NPY2R: variants seen among roughly 807,000 people sequenced by gnomAD.
The protein encoded by NPY2R is neuropeptide Y receptor Y2.
In NPY2R, 17 loss-of-function variants were observed where a neutral mutation model predicts 22.3. The ratio of observed to expected loss-of-function variants is 0.76; its 90% CI spans 0.52 to 1.14. The LOEUF (loss-of-function observed/expected upper bound fraction) is 1.14. Ranked by LOEUF, NPY2R falls within the 50% of genes most tolerant of loss-of-function variation. The pLI, the probability that NPY2R is intolerant of heterozygous loss-of-function variation, is 0.00. For missense variants in NPY2R, 424 were observed against 467.9 expected (o/e 0.91, Z 0.87); for synonymous variants, 209 against 183.4 (o/e 1.14, Z -1.13).
the NPY2R span, among the ~76,000 whole-genome samples, chr4:155,174,484 A>ATATATATATATATT: frequency 1.4e-3 from 151 of 106,032 alleles, 2 homozygotes; most frequent in African/African-American, 6.4e-3. Flanking sequence ...ATATATATAT[A>ATATATATATATATT]TTTTTTTTTT....
rs1274606839 is a variant in NPY2R, at chr4:155,214,078, A to G, written c.139A>G (p.Ile47Val). 2 of 1,614,100 alleles carry G rather than the reference A, an allele frequency of 1.2e-6. No individual in the cohort carries two copies. The highest frequency in any genetic ancestry group is 1.7e-6 in the Non-Finnish European group (2 of 1,179,936). Residue 47 changes from isoleucine (I) to valine (V), a missense_variant, in exon 2 of 2, where the codon ATT becomes GTT. Ile to Val is a conservative substitution (Grantham distance 29). Transcript: ENST00000329476. ...EPELIDSTKLIEVQVVLILAY... is the reference protein window; with the variant it reads ...EPELIDSTKLVEVQVVLILAY... ...AGAGCTTATAGATAGTACCAAGCTG[A>G]TTGAGGTACAAGTTGTTCTCATATT...
rs1729499400 is a variant in NPY2R at position 155,215,586 on chromosome 4, A to G, written c.*501A>G. ...TGATTTTTTTGTTCATTCTCTAGACAAAATCCATCAGGGAATGCTGCAGGA... is the reference window on the plus strand; with the variant it reads ...TGATTTTTTTGTTCATTCTCTAGACGAAATCCATCAGGGAATGCTGCAGGA... On this transcript the variant is annotated 3_prime_UTR_variant, in exon 2 of 2. Transcript: ENST00000329476. 1 of 198,010 alleles carries G rather than the reference A, an allele frequency of 5.1e-6. No homozygotes were observed. The highest frequency in any genetic ancestry group is 1.2e-4 in the South Asian group (1 of 8,554). The allele number at this position is 198,010 out of a possible 1,614,324, so 12.3% of individuals were successfully genotyped here.
rs578259597 is a variant in NPY2R at position 155,209,880 on chromosome 4, T to A, written c.-49+811T>A. Among the ~76,000 whole-genome samples, 5 of 152,190 alleles carry A rather than the reference T, an allele frequency of 3.3e-5. No homozygotes were observed. In the East Asian group the frequency reaches 9.7e-4, roughly 29 times the overall value. ...AAAAGCCCCCACAGATTTAAACATC[T>A]CTCCTCAAAGCATGAACTGGTCTCT... On this transcript the variant is annotated intron_variant, in intron 1 of 1. Transcript: ENST00000329476.
At chr4:155,196,460 C>T in the NPY2R span, among the ~76,000 whole-genome samples, 1 of 151,758 alleles carries the variant, frequency 6.6e-6, no homozygotes, top group Non-Finnish European at 1.5e-5. Flanking sequence ...ATGGGCTCAA[C>T]GGGACTGAAA....
the NPY2R span, among the ~76,000 whole-genome samples, chr4:155,191,896 A>G: frequency 1.3e-5 from 2 of 151,880 alleles, no homozygotes; most frequent in East Asian, 3.9e-4. Context: ...CTCCATAAAT[A>G]TTTTATTTTA....
the NPY2R span, among the ~76,000 whole-genome samples, chr4:155,191,517 A>C: frequency 1.6e-4 from 24 of 152,038 alleles, no homozygotes; most frequent in African/African-American, 5.1e-4. Flanking sequence ...AGTGAGGTAC[A>C]CTGAAGTACC....
the NPY2R span, among the ~76,000 whole-genome samples, chr4:155,202,014 A>G: frequency 6.6e-6 from 1 of 152,026 alleles, no homozygotes; most frequent in East Asian, 1.9e-4. Context: ...TTTGACATAT[A>G]CTCACTATAT....
intron 1 of NPY2R, among the ~76,000 whole-genome samples, chr4:155,209,834 A>G (rs1256198275): frequency 6.6e-6 from 1 of 151,942 alleles, no homozygotes; most frequent in Non-Finnish European, 1.5e-5. Context: ...ACTAAGGCCA[A>G]CCTGTGACAA....
the NPY2R span, among the ~76,000 whole-genome samples, chr4:155,183,401 C>A: frequency 6.6e-6 from 1 of 152,024 alleles, no homozygotes; most frequent in Admixed American, 6.6e-5. Flanking sequence ...TGGTTCCAAC[C>A]AGAAATGAAA....
chr4:155,213,929 C>G lies in NPY2R; in HGVS notation c.-11C>G. On this transcript the variant is annotated 5_prime_UTR_variant, in exon 2 of 2. Coordinates refer to ENST00000329476, the MANE Select transcript of NPY2R (RefSeq NM_000910.4). ...TGTGCTGGTTGCAGGCCAAGTGGACCTGTACTGAAAATGGGTCCAATAGGT... is the reference window on the plus strand; with the variant it reads ...TGTGCTGGTTGCAGGCCAAGTGGACGTGTACTGAAAATGGGTCCAATAGGT... 1 of 1,612,434 alleles carries G rather than the reference C, an allele frequency of 6.2e-7. No homozygotes were observed. The highest frequency in any genetic ancestry group is 8.5e-7 in the Non-Finnish European group (1 of 1,178,870).
rs1319474990 is a variant in NPY2R, at chr4:155,214,082, A to C, written c.143A>C (p.Glu48Ala). Residue 48 changes from glutamate (E) to alanine (A), a missense_variant, in exon 2 of 2, where the codon GAG (glutamate) becomes GCG (alanine). Transcript: ENST00000329476. Reference sequence around the variant, plus strand: ...CTTATAGATAGTACCAAGCTGATTGAGGTACAAGTTGTTCTCATATTGGCC... The same window carrying C: ...CTTATAGATAGTACCAAGCTGATTGCGGTACAAGTTGTTCTCATATTGGCC... ...PELIDSTKLI[E>A]VQVVLILAYC... 1 of 1,613,878 alleles carries C rather than the reference A, an allele frequency of 6.2e-7. No homozygotes were observed. The highest frequency in any genetic ancestry group is 8.5e-7 in the Non-Finnish European group (1 of 1,179,878).
intron 1 of NPY2R, among the ~76,000 whole-genome samples, chr4:155,211,305 G>C (rs1257113340): frequency 1.3e-5 from 2 of 152,190 alleles, no homozygotes; most frequent in Non-Finnish European, 2.9e-5. Context: ...GTGGCATGTG[G>C]TACATGCGGC....
chr4:155,189,755 C>T, the NPY2R span, among the ~76,000 whole-genome samples: 2 of 151,882 alleles, frequency 1.3e-5, no homozygotes, highest in African/African-American at 4.8e-5. Flanking sequence ...AGGGACCCTA[C>T]TCCTATGTTT....
chr4:155,174,484 A>ATATATATATATATATATATATATTT, the NPY2R span, among the ~76,000 whole-genome samples: 370 of 105,890 alleles, frequency 3.5e-3, 4 homozygotes, highest in African/African-American at 0.012. Flanking sequence ...ATATATATAT[A>ATATATATATATATATATATATATTT]TTTTTTTTTT....
chr4:155,202,447 T>C, the NPY2R span, among the ~76,000 whole-genome samples: 235 of 152,296 alleles, frequency 1.5e-3, no homozygotes, highest in African/African-American at 4.9e-3. Context: ...TGTGTACAAT[T>C]CATCTTTACA....
At chr4:155,205,957 G>T (rs913528435), upstream of NPY2R, among the ~76,000 whole-genome samples, 8 of 151,992 alleles carry the variant, frequency 5.3e-5, no homozygotes, top group Admixed American at 5.2e-4. Context: ...TATGGATTTT[G>T]CTTCTCTTAA....
chr4:155,210,460 G>A (rs1332006539), intron 1 of NPY2R, among the ~76,000 whole-genome samples: 1 of 152,154 alleles, frequency 6.6e-6, no homozygotes, highest in Non-Finnish European at 1.5e-5. Flanking sequence ...AATTTAGTCA[G>A]GTATAACCTC....
the NPY2R span, among the ~76,000 whole-genome samples, chr4:155,174,485 T>TATATATATATATA: frequency 1.0e-3 from 42 of 41,662 alleles, 1 homozygote; most frequent in African/African-American, 3.3e-3. Context: ...TATATATATA[T>TATATATATATATA]TTTTTTTTTT....
the NPY2R span, among the ~76,000 whole-genome samples, chr4:155,194,193 A>G: frequency 6.6e-6 from 1 of 151,952 alleles, no homozygotes; most frequent in African/African-American, 2.4e-5. Flanking sequence ...CTAGAGATCT[A>G]CTGTACAGCA....
Sources: allele counts gnomAD v4.1 joint callset (sites outside exome capture counted in the v4.1 genomes callset), GRCh38; gene constraint gnomAD v4.1.1; transcripts MANE v1.5; gene names NCBI Gene and HGNC (gene_info 2026-07-23, HGNC 2026-07-21).